Variants in MMEL1 observed in about 807,000 individuals in gnomAD.
MMEL1 encodes membrane metalloendopeptidase like 1, also known as membrane metallo-endopeptidase-like 1.
Under a neutral mutation model 117.1 loss-of-function variants are expected in MMEL1, and 98 were observed. The ratio of observed to expected loss-of-function variants is 0.84; its 90% confidence interval spans 0.71 to 0.99. MMEL1 has a LOEUF of 0.99. Among genes scored for constraint, MMEL1 ranks in the 50% least tolerant of loss-of-function variants. MMEL1 has a pLI of 0.00. For missense variants in MMEL1, 1,014 were observed against 1,049.1 expected (o/e 0.97, Z 0.46); for synonymous variants, 390 against 415.1 (o/e 0.94, Z 0.74).
At chr1:2,596,819 G>A in intron 13 of MMEL1, 130 bp from the exon 14 acceptor site, 3 of 1,040,984 alleles carry the variant, frequency 2.9e-6, no homozygotes, top group South Asian at 1.5e-5. Flanking sequence ...GCTAGCGGGG[G>A]CACGGGATGA....
chr1:2,591,939 T>C lies in MMEL1; in HGVS notation c.2156A>G (p.Tyr719Cys). The C allele has an allele frequency of 6.2e-7, 1 of 1,613,212 alleles. No homozygotes were observed. The highest frequency in any genetic ancestry group is 8.5e-7 in the Non-Finnish European group (1 of 1,179,706). ...CAGGACTGCGGCTGCCACCTGGGCA[T>C]AGTTGATGAAGAAGAGCTGCTCATG... is the stretch of plus-strand genomic sequence containing the variant. ...LTHEQLFFIN[Y>C]AQVWCGSYRP... The change falls in exon 22 of 24, where the codon TAT (tyrosine) becomes TGT (cysteine). Residue 719 changes from tyrosine to cysteine, a missense_variant. Tyr to Cys is a radical substitution (Grantham distance 194). Transcript: ENST00000378412.
chr1:2,615,378 G>A (rs1272727988), intron 2 of MMEL1, among the ~76,000 whole-genome samples: 3 of 152,170 alleles, frequency 2.0e-5, no homozygotes, highest in African/African-American at 7.2e-5. Flanking sequence ...GTCTAATCAT[G>A]AGAAAACCAT....
intron 1 of MMEL1, among the ~76,000 whole-genome samples, chr1:2,630,878 G>A (rs1247055612): frequency 6.7e-6 from 1 of 148,372 alleles, no homozygotes; most frequent in East Asian, 2.1e-4. Flanking sequence ...GTGTGCATGT[G>A]TGTGACTGTG....
At chr1:2,629,237 C>T (rs1391869952) in intron 2 of MMEL1, 94 bp downstream of exon 2, 10 of 1,350,040 alleles carry the variant, frequency 7.4e-6, no homozygotes, top group African/African-American at 3.1e-5. Context: ...CGGGCGGGCT[C>T]GGGCTGGGGG....
In MMEL1 at chr1:2,629,547, G is replaced by T. The variant is rs1322823604; in HGVS notation, c.-37-26C>A. Reference sequence around the variant, plus strand: ...CTGCAGGCCCAGGGCAGGGGAGAGGGGAGAGGGGCGTGGAGCTCCCCGAGC... The same window carrying T: ...CTGCAGGCCCAGGGCAGGGGAGAGGTGAGAGGGGCGTGGAGCTCCCCGAGC... On this transcript the variant is annotated intron_variant, in intron 1 of 23. Transcript: ENST00000378412. 11 of 1,395,176 alleles carry T rather than the reference G, an allele frequency of 7.9e-6. No individual in the cohort carries two copies. The South Asian group carries it at 1.5e-4, about 20-fold the overall frequency. The allele number at this position is 1,395,176 out of a possible 1,614,324, so 86.4% of individuals were successfully genotyped here.
At chr1:2,605,864 C>T (rs916602852) in intron 8 of MMEL1, among the ~76,000 whole-genome samples, 9 of 152,042 alleles carry the variant, frequency 5.9e-5, no homozygotes, top group East Asian at 1.9e-4. Context: ...CAGGCTGTCC[C>T]GGGCCTCGCA....
chr1:2,594,040 CG>C, intron 18 of MMEL1, 107 bp from the exon 19 acceptor site: 1 of 1,391,044 alleles, frequency 7.2e-7, no homozygotes, highest in South Asian at 1.5e-5. Context: ...TCCCACAGAC[CG>C]GGAGGCAGAG....
At chr1:2,606,871 G>A (rs2100943613) in intron 7 of MMEL1, 103 bp downstream of exon 7, 1 of 1,045,174 alleles carries the variant, frequency 9.6e-7, no homozygotes, top group East Asian at 2.4e-5. Flanking sequence ...CAGCCAGCTG[G>A]GGGTGGGGGT....
chr1:2,615,023 T>A (rs1368379799), intron 2 of MMEL1, among the ~76,000 whole-genome samples: 1 of 152,082 alleles, frequency 6.6e-6, no homozygotes, highest in Non-Finnish European at 1.5e-5. Context: ...AGCAGTGGAT[T>A]ATAATGCAAA....
At chr1:2,599,035 A>G (rs138007843) in intron 11 of MMEL1, among the ~76,000 whole-genome samples, 1 of 152,396 alleles carries the variant, frequency 6.6e-6, no homozygotes, top group East Asian at 1.9e-4. Flanking sequence ...AACACAACTT[A>G]GCAAAAATGA....
At chr1:2,619,120 T>C (rs563372005) in intron 2 of MMEL1, among the ~76,000 whole-genome samples, 2 of 152,290 alleles carry the variant, frequency 1.3e-5, no homozygotes, top group East Asian at 3.9e-4. Flanking sequence ...ACCTGTCCTT[T>C]TGGATTTCTT....
intron 13 of MMEL1, among the ~76,000 whole-genome samples, 172 bp from the exon 14 acceptor site, chr1:2,596,861 G>C (rs1421366323): frequency 3.3e-5 from 5 of 152,080 alleles, no homozygotes; most frequent in Non-Finnish European, 7.4e-5. Flanking sequence ...CTGCTGCGGC[G>C]GGGGGAAGGA....
Position 2,612,313 on chromosome 1 carries a change from AGC to A in MMEL1, c.155-111_155-110del. On this transcript the variant is annotated intron_variant, in intron 2 of 23. Coordinates refer to ENST00000378412, the MANE Select transcript of MMEL1 (RefSeq NM_033467.4). This position sits in a 1 kb window ranked among gnomAD's most constrained non-coding sequence, Gnocchi z 5.4. ...ATCTTCCCACAGTGCTGGGTGCTGC[AGC>A]CCTACCCCTGTAGTGAGGGCTGGTC... is the stretch of plus-strand genomic sequence containing the variant. 1 of 889,676 alleles carries A rather than the reference AGC, an allele frequency of 1.1e-6. No individual in the cohort carries two copies. Among genetic ancestry groups the A allele is most frequent in the Non-Finnish European group, 1.8e-6 (1 of 565,524 alleles). 55.1% of individuals were successfully genotyped at this position (889,676 alleles called of 1,614,324 possible).
rs1280029294 is a variant in MMEL1 at position 2,605,623 on chromosome 1, T to A, written c.751A>T (p.Ile251Leu). The change falls in exon 9 of 24, where the codon ATA (isoleucine) becomes TTA (leucine). Residue 251 changes from isoleucine to leucine, a missense_variant and splice_region_variant. Ile to Leu is a conservative substitution (Grantham distance 5, BLOSUM62 2). Coordinates refer to ENST00000378412, the MANE Select transcript of MMEL1 (RefSeq NM_033467.4). ...DQNSSRHIIY[I>L]DQPTLGMPSR... ...GGCATGCCCAAGGTGGGCTGGTCTA[T>A]CTGGAAATACAGAAGGTGTGACCCT... 2 of 1,612,322 alleles carry A rather than the reference T, an allele frequency of 1.2e-6. No homozygotes were observed. The highest frequency in any genetic ancestry group is 2.2e-5 in the East Asian group (1 of 44,830).
intron 2 of MMEL1, among the ~76,000 whole-genome samples, chr1:2,626,748 CA>C (rs546279269): frequency 5.7e-4 from 86 of 151,806 alleles, no homozygotes; most frequent in African/African-American, 1.6e-3. Flanking sequence ...ATAATTAAAA[CA>C]AAAAAATCTA....
intron 2 of MMEL1, among the ~76,000 whole-genome samples, chr1:2,625,927 A>G (rs1638249374): frequency 8.8e-6 from 1 of 113,084 alleles, no homozygotes; most frequent in Non-Finnish European, 2.2e-5. Flanking sequence ...CCCTATGACC[A>G]GTGGACAGAG....
At chr1:2,602,575 C>T (rs1032098693) in intron 11 of MMEL1, among the ~76,000 whole-genome samples, 2 of 152,228 alleles carry the variant, frequency 1.3e-5, no homozygotes, top group African/African-American at 4.8e-5. Flanking sequence ...TGATTGGCTT[C>T]TCTGCCACCT....
In MMEL1 at chr1:2,632,957, G is replaced by T; in HGVS notation, c.-129C>A. 1.0e-6 allele frequency: 1 copy of T among 985,838 alleles called. No homozygotes were observed. The highest frequency in any genetic ancestry group is 1.2e-6 in the Non-Finnish European group (1 of 830,182). The allele number at this position is 985,838 out of a possible 1,614,324, so 61.1% of individuals were successfully genotyped here. ...GAGTTGGGGTGAGCTGGGCCAAGTG[G>T]GTGGATTTCCAGGGACTGGGATGGG... On this transcript the variant is annotated 5_prime_UTR_variant, in exon 1 of 24. Coordinates refer to ENST00000378412, the MANE Select transcript of MMEL1 (RefSeq NM_033467.4).
intron 19 of MMEL1, 144 bp downstream of exon 19, chr1:2,593,670 C>T (rs572856485): frequency 1.6e-6 from 2 of 1,218,308 alleles, no homozygotes; most frequent in East Asian, 2.9e-5. Flanking sequence ...AAAGCCTGCT[C>T]TGCCCCCACA....
Sources: gnomAD v4.1 joint callset for allele counts (sites outside exome capture counted in the v4.1 genomes callset) on GRCh38, gnomAD v4.1.1 for gene constraint, Gnocchi (gnomAD v3.1) non-coding constraint, MANE v1.5 for transcripts, NCBI Gene and HGNC (gene_info 2026-07-23, HGNC 2026-07-21) for gene names.